SNX29: variants seen among roughly 807,000 people sequenced by gnomAD.
SNX29 encodes the protein sorting nexin 29, also known as sorting nexin-29.
SNX29 carries 78 observed loss-of-function variants against 102.1 expected under a neutral mutation model. The observed-to-expected ratio is 0.76, with a 90% CI of 0.64 to 0.92. SNX29 has a LOEUF of 0.92. Ranked by LOEUF, SNX29 falls within the 40% of genes least tolerant of loss-of-function variation. SNX29 has a pLI of 0.00. For missense variants in SNX29, 1,280 were observed against 1,061.7 expected (o/e 1.21, Z -2.86); for synonymous variants, 580 against 414.5 (o/e 1.40, Z -4.85).
intron 4 of SNX29, among the ~76,000 whole-genome samples, chr16:12,036,593 C>T (rs1026753103): frequency 2.0e-5 from 3 of 152,150 alleles, no homozygotes; most frequent in Non-Finnish European, 4.4e-5. Flanking sequence ...CTCGGCCTCC[C>T]AAAGTGCTGG....
At chr16:12,009,740 G>C (rs1194150929) in intron 3 of SNX29, among the ~76,000 whole-genome samples, 1 of 152,068 alleles carries the variant, frequency 6.6e-6, no homozygotes, top group Non-Finnish European at 1.5e-5. Context: ...ATGGTTCATT[G>C]AAATTATTCC....
chr16:12,392,578 A>G (rs2083567125), intron 16 of SNX29, among the ~76,000 whole-genome samples: 1 of 152,212 alleles, frequency 6.6e-6, no homozygotes, highest in South Asian at 2.1e-4. Context: ...CACCCTTGTT[A>G]TCTTTTGGGA....
At position 12,181,379 on chromosome 16, in the gene SNX29, C is replaced by T. The variant is rs192183189; in HGVS notation, c.1596-18222C>T. On this transcript the variant is annotated intron_variant, in intron 13 of 20. Transcript: ENST00000566228. ...ATGAACATTGGTTCGGTCTGGAAGGCGGGACAACTCGAAGCAGGGCTTCCA... is the reference window on the plus strand; with the variant it reads ...ATGAACATTGGTTCGGTCTGGAAGGTGGGACAACTCGAAGCAGGGCTTCCA... Among the ~76,000 whole-genome samples the T allele has an allele frequency of 3.3e-4, 51 of 152,246 alleles. No individual in the cohort carries two copies. In the South Asian group the frequency reaches 4.2e-3, roughly 12 times the overall value.
chr16:12,572,648 GCTC>G lies in SNX29; in HGVS notation c.*4022_*4024del, dbSNP rs1197497464. 27 of 1,063,666 alleles carry G rather than the reference GCTC, an allele frequency of 2.5e-5. No homozygotes were observed. In the African/African-American group the frequency reaches 3.6e-4, roughly 14 times the overall value. 65.9% of individuals were successfully genotyped at this position (1,063,666 alleles called of 1,614,324 possible). A position where few individuals can be genotyped will look rare whatever the true frequency, so the allele number is the denominator to read the frequency against. On this transcript the variant is annotated 3_prime_UTR_variant, in exon 21 of 21. Transcript: ENST00000566228. ...AATCCATCCTTCATTCCTCCACCAAGCTCCTGTGTGAGCTGCAGCACCCACACG... is the reference window on the plus strand; with the variant it reads ...AATCCATCCTTCATTCCTCCACCAAGCTGTGTGAGCTGCAGCACCCACACG...
At chr16:12,528,762 G>C (rs890219298) in intron 20 of SNX29, among the ~76,000 whole-genome samples, 1 of 152,168 alleles carries the variant, frequency 6.6e-6, no homozygotes, top group Non-Finnish European at 1.5e-5. Flanking sequence ...GGACATCCAC[G>C]TTACTCATGA....
intron 15 of SNX29, among the ~76,000 whole-genome samples, chr16:12,329,307 C>T (rs537033541): frequency 4.5e-5 from 5 of 112,158 alleles, no homozygotes; most frequent in African/African-American, 1.5e-4. Context: ...TGAAAAAATA[C>T]CCCCAGTAGC....
chr16:12,405,384 G>A (rs1268025995), intron 18 of SNX29, among the ~76,000 whole-genome samples: 1 of 152,138 alleles, frequency 6.6e-6, no homozygotes, highest in East Asian at 1.9e-4. Flanking sequence ...TGGCAGTGAA[G>A]CCACTCTCTC....
At chr16:12,331,104 C>T (rs552285367) in intron 15 of SNX29, among the ~76,000 whole-genome samples, 4 of 152,348 alleles carry the variant, frequency 2.6e-5, no homozygotes, top group African/African-American at 9.6e-5. Flanking sequence ...CCCATGGGCT[C>T]CTACCTTGAA....
chr16:12,231,791 A>G (rs1282641681), intron 14 of SNX29, among the ~76,000 whole-genome samples: 1 of 152,202 alleles, frequency 6.6e-6, no homozygotes, highest in African/African-American at 2.4e-5. Flanking sequence ...ACCAGCATTC[A>G]TAACTGTTGC....
intron 14 of SNX29, among the ~76,000 whole-genome samples, chr16:12,223,621 G>A (rs2077534261): frequency 6.6e-6 from 1 of 152,192 alleles, no homozygotes; most frequent in African/African-American, 2.4e-5. Context: ...CCAGGATGGC[G>A]CCATTGCACT....
intron 14 of SNX29, among the ~76,000 whole-genome samples, chr16:12,212,551 G>C (rs1329731634): frequency 2.6e-5 from 4 of 152,156 alleles, no homozygotes; most frequent in Non-Finnish European, 5.9e-5. Flanking sequence ...CACGGAATAA[G>C]TTGCCATCTC....
At chr16:12,013,525 A>ATATATATATATATATT in intron 3 of SNX29, among the ~76,000 whole-genome samples, 1 of 118,734 alleles carries the variant, frequency 8.4e-6, no homozygotes. Flanking sequence ...ATATATATAT[A>ATATATATATATATATT]TATATATATA....
chr16:12,306,872 A>G (rs1471760340), intron 15 of SNX29, among the ~76,000 whole-genome samples: 1 of 152,202 alleles, frequency 6.6e-6, no homozygotes, highest in African/African-American at 2.4e-5. Flanking sequence ...GGAGGTGGGT[A>G]GAGTGACTGT....
chr16:12,547,602 G>A (rs1024046768), intron 20 of SNX29, among the ~76,000 whole-genome samples: 17 of 152,010 alleles, frequency 1.1e-4, no homozygotes, highest in African/African-American at 4.1e-4. Context: ...CCCCCACGAA[G>A]TCAGCCTCAG....
At chr16:12,560,410 A>G (rs986706545) in intron 20 of SNX29, among the ~76,000 whole-genome samples, 1 of 152,172 alleles carries the variant, frequency 6.6e-6, no homozygotes, top group Non-Finnish European at 1.5e-5. Context: ...CAAAAGCCAC[A>G]GTGTCTGTCC....
At chr16:12,184,822 TGACA>T (rs2076473589) in intron 13 of SNX29, among the ~76,000 whole-genome samples, 2 of 152,218 alleles carry the variant, frequency 1.3e-5, no homozygotes, top group Non-Finnish European at 2.9e-5. Flanking sequence ...CTAGCAGCAG[TGACA>T]GACAGCTTGA....
chr16:12,560,787 A>T (rs1383449782), intron 20 of SNX29: 1 of 176,796 alleles, frequency 5.7e-6, no homozygotes, highest in Non-Finnish European at 1.2e-5. Flanking sequence ...TTTATTTTCC[A>T]TGCCCTTAAG....
intron 18 of SNX29, among the ~76,000 whole-genome samples, chr16:12,452,928 G>T (rs983555247): frequency 1.3e-5 from 2 of 152,192 alleles, no homozygotes; most frequent in African/African-American, 4.8e-5. Flanking sequence ...CCGTTTGTTA[G>T]TAAGAGGAAT....
chr16:12,560,680 A>G (rs2078674848), intron 20 of SNX29: 1 of 158,090 alleles, frequency 6.3e-6, no homozygotes, highest in South Asian at 2.1e-4. Context: ...GCTTGGATGC[A>G]TTTATATCTA....
Sources: gnomAD v4.1 joint callset for allele counts (sites outside exome capture counted in the v4.1 genomes callset) on GRCh38, gnomAD v4.1.1 for gene constraint, MANE v1.5 for transcripts, NCBI Gene and HGNC (gene_info 2026-07-23, HGNC 2026-07-21) for gene names.